The following CSMD2 variants were observed in gnomAD, a reference collection of about 807,000 sequenced individuals.
CSMD2 encodes CUB and sushi domain-containing protein 2.
Under a neutral mutation model 398.5 loss-of-function variants are expected in CSMD2, and 130 were observed. The observed-to-expected ratio is 0.33, with a 90% CI of 0.28 to 0.38. The LOEUF is 0.38. Among genes scored for constraint, CSMD2 ranks in the 10% least tolerant of loss-of-function variants. CSMD2 has a pLI of 1.00. For missense variants in CSMD2, 3,829 were observed against 4,764.9 expected, an observed-to-expected ratio of 0.80 and a Z score of 5.78; for synonymous variants, 1,828 against 1,908.5, an observed-to-expected ratio of 0.96 and a Z score of 1.10.
chr1:33,764,371 C>T (rs925677409), intron 13 of CSMD2, among the ~76,000 whole-genome samples: 10 of 152,148 alleles, frequency 6.6e-5, no homozygotes, highest in Non-Finnish European at 5.9e-5. Flanking sequence ...GACCCTCCCC[C>T]ATCCTGCTAC....
chr1:33,602,404 C>T lies in CSMD2; in HGVS notation c.6675G>A (p.Leu2225=), dbSNP rs1180082061. ...GHGVRLNLSL[L]QTEPSGDFIT... ...TGAAATCTCCAGAGGGCTCTGTCTGCAGCAGGCTGAGGTTGAGGCGGACGC... is the reference window on the plus strand; with the variant it reads ...TGAAATCTCCAGAGGGCTCTGTCTGTAGCAGGCTGAGGTTGAGGCGGACGC... The change falls in exon 43 of 71, where the codon CTG becomes CTA. Residue 2225 remains leucine (L), a synonymous_variant. Coordinates refer to ENST00000373381, the MANE Select transcript of CSMD2 (RefSeq NM_001281956.2). 1.9e-6 allele frequency: 3 copies of T among 1,613,790 alleles called. No individual in the cohort carries two copies. In the Admixed American group the frequency reaches 5.0e-5, roughly 27 times the overall value.
Position 33,819,905 on chromosome 1 carries a change from G to C in CSMD2, c.1200-68C>G, listed in dbSNP as rs1372875928. 2.5e-6 allele frequency: 4 copies of C among 1,591,276 alleles called. No homozygotes were observed. In the African/African-American group the frequency reaches 5.4e-5, roughly 22 times the overall value. ...CCAAGCCCCGCCCCAAGTCCTTCCT[G>C]GTTCCACAAAGAAGCCGCACATGTT... On this transcript the variant is annotated intron_variant, in intron 8 of 70. Transcript: ENST00000373381.
chr1:33,571,823 A>G, intron 50 of CSMD2, 97 bp from the exon 51 acceptor site: 1 of 878,412 alleles, frequency 1.1e-6, no homozygotes, highest in Non-Finnish European at 1.5e-6. Flanking sequence ...ACCTTAATGC[A>G]ATAATGAAGA....
At chr1:33,539,261 C>T (rs974667687) in intron 60 of CSMD2, among the ~76,000 whole-genome samples, 2 of 152,142 alleles carry the variant, frequency 1.3e-5, no homozygotes, top group South Asian at 4.1e-4. Flanking sequence ...TCACCTCACC[C>T]GGCCAAGAAA....
intron 1 of CSMD2, among the ~76,000 whole-genome samples, chr1:34,117,428 C>T (rs1661716564): frequency 6.6e-6 from 1 of 151,900 alleles, no homozygotes; most frequent in African/African-American, 2.4e-5. Context: ...AAACTCTAAA[C>T]AGAATTAGAG....
intron 2 of CSMD2, among the ~76,000 whole-genome samples, chr1:34,079,446 A>T (rs992624923): frequency 2.0e-4 from 31 of 152,248 alleles, no homozygotes; most frequent in East Asian, 5.8e-4. Flanking sequence ...CAAATTTTTT[A>T]AAAAACCCAT....
chr1:34,061,844 C>T (rs1221636332), intron 2 of CSMD2, among the ~76,000 whole-genome samples: 1 of 152,162 alleles, frequency 6.6e-6, no homozygotes, highest in Non-Finnish European at 1.5e-5. Flanking sequence ...CCTACAAAAC[C>T]TCCTGGAGGC....
intron 17 of CSMD2, 81 bp from the exon 18 acceptor site, chr1:33,724,785 G>A: frequency 1.5e-6 from 2 of 1,317,056 alleles, no homozygotes. Context: ...AGAGTAAGAA[G>A]AGAGCCCTGG....
chr1:33,624,435 G>C lies in CSMD2; in HGVS notation c.5625+84C>G, dbSNP rs1321815709. On this transcript the variant is annotated intron_variant, in intron 35 of 70. Coordinates refer to ENST00000373381, the MANE Select transcript of CSMD2 (RefSeq NM_001281956.2). The surrounding 1 kb of genome is among the most constrained non-coding windows in gnomAD (Gnocchi z 4.7). ...CACCCTGACTCAGGCCTTGGCACCA[G>C]CCAGCACCTGTGGTTGTCACCTGTG... 6.5e-7 allele frequency: 1 copy of C among 1,546,212 alleles called. No individual in the cohort carries two copies. The highest frequency in any genetic ancestry group is 8.8e-7 in the Non-Finnish European group (1 of 1,137,832).
At chr1:33,916,822 C>T (rs7533958) in intron 5 of CSMD2, among the ~76,000 whole-genome samples, 89,056 of 151,986 alleles carry the variant, frequency 0.59, 26,755 homozygotes, top group African/African-American at 0.67. Context: ...TCTTACCTAA[C>T]AGATAGATAG....
intron 5 of CSMD2, among the ~76,000 whole-genome samples, chr1:33,883,726 TCC>T (rs1247638736): frequency 1.3e-5 from 2 of 152,324 alleles, no homozygotes; most frequent in South Asian, 4.1e-4. Context: ...ACCCATATGA[TCC>T]CTGGGACACA....
intron 23 of CSMD2, among the ~76,000 whole-genome samples, chr1:33,699,400 G>T (rs79363251): frequency 2.0e-5 from 3 of 152,198 alleles, no homozygotes; most frequent in Non-Finnish European, 2.9e-5. Flanking sequence ...CCCACTCTAC[G>T]GCGCTATACA....
At chr1:34,090,888 G>C (rs61769761) in intron 1 of CSMD2, among the ~76,000 whole-genome samples, 21,046 of 152,130 alleles carry the variant, frequency 0.14, 1,628 homozygotes, top group East Asian at 0.36. Flanking sequence ...GGCCCTTAGT[G>C]ACCTCCCAGC....
At chr1:33,974,269 G>A (rs1009322088) in intron 3 of CSMD2, among the ~76,000 whole-genome samples, 2 of 152,232 alleles carry the variant, frequency 1.3e-5, no homozygotes, top group South Asian at 2.1e-4. Context: ...CTGAAGAACT[G>A]TCTGTTGGTC....
intron 5 of CSMD2, among the ~76,000 whole-genome samples, chr1:33,854,714 CA>C (rs1442707059): frequency 1.3e-5 from 2 of 152,228 alleles, no homozygotes; most frequent in Non-Finnish European, 2.9e-5. Flanking sequence ...AACAAATTAT[CA>C]GAACTCTTTC....
intron 1 of CSMD2, 95 bp from the exon 2 acceptor site, chr1:34,089,288 A>T: frequency 8.1e-7 from 1 of 1,232,472 alleles, no homozygotes; most frequent in South Asian, 1.3e-5. Flanking sequence ...TCATGAACCC[A>T]CTTTTCCAAG....
chr1:33,549,887 G>T (rs1250739335), intron 56 of CSMD2, among the ~76,000 whole-genome samples: 1 of 152,174 alleles, frequency 6.6e-6, no homozygotes, highest in South Asian at 2.1e-4. Context: ...CAAGTGTCTG[G>T]ACAGGACTCT....
At chr1:33,805,780 C>T (rs981444427) in intron 10 of CSMD2, among the ~76,000 whole-genome samples, 41 of 151,936 alleles carry the variant, frequency 2.7e-4, no homozygotes, top group Admixed American at 1.7e-3. Context: ...TGGCCATTTA[C>T]GAGCCAGGAT....
chr1:33,828,994 T>C (rs1156411718), intron 6 of CSMD2, among the ~76,000 whole-genome samples: 2 of 152,328 alleles, frequency 1.3e-5, no homozygotes, highest in African/African-American at 2.4e-5. Flanking sequence ...GGGAGCTCCA[T>C]AATGTACATA....
Sources: gnomAD v4.1 joint callset for allele counts (sites outside exome capture counted in the v4.1 genomes callset) on GRCh38, gnomAD v4.1.1 for gene constraint, Gnocchi (gnomAD v3.1) non-coding constraint, MANE v1.5 for transcripts, NCBI Gene and HGNC (gene_info 2026-07-23, HGNC 2026-07-21) for gene names.